Variants in ADAMTS3 observed in about 807,000 individuals in gnomAD.
ADAMTS3 encodes A disintegrin and metalloproteinase with thrombospondin motifs 3.
ADAMTS3 carries 73 observed loss-of-function variants against 129.0 expected under a neutral mutation model. The ratio of observed to expected loss-of-function variants is 0.57; its 90% CI spans 0.47 to 0.69. The LOEUF is 0.69. Among genes scored for constraint, ADAMTS3 ranks in the 30% least tolerant of loss-of-function variants. The pLI, the probability that ADAMTS3 is intolerant of heterozygous loss-of-function variation, is 0.00. For missense variants in ADAMTS3, 1,457 were observed against 1,514.5 expected (o/e 0.96, Z 0.63); for synonymous variants, 477 against 510.8 (o/e 0.93, Z 0.89).
chr4:72,428,035 T>A (rs532145557), intron 3 of ADAMTS3, among the ~76,000 whole-genome samples: 1 of 98,784 alleles, frequency 1.0e-5, no homozygotes, highest in Non-Finnish European at 2.4e-5. Flanking sequence ...GTTTATTAAC[T>A]GAACACCTAA....
intron 3 of ADAMTS3, among the ~76,000 whole-genome samples, chr4:72,415,206 A>C (rs967083783): frequency 6.6e-6 from 1 of 152,082 alleles, no homozygotes; most frequent in African/African-American, 2.4e-5. Context: ...GGAATACAAA[A>C]TTTACATAGG....
intron 3 of ADAMTS3, among the ~76,000 whole-genome samples, chr4:72,429,372 T>TA (rs1722643259): frequency 2.0e-5 from 3 of 152,120 alleles, no homozygotes; most frequent in South Asian, 4.1e-4. Context: ...AGATATTTTA[T>TA]AAAAAACGTA....
At chr4:72,521,606 G>A (rs1274886538) in intron 3 of ADAMTS3, among the ~76,000 whole-genome samples, 1 of 151,994 alleles carries the variant, frequency 6.6e-6, no homozygotes, top group Non-Finnish European at 1.5e-5. Context: ...ATTTGAAATG[G>A]TTCCAAAAAT....
intron 3 of ADAMTS3, among the ~76,000 whole-genome samples, chr4:72,517,006 T>A (rs527290485): frequency 7.3e-4 from 111 of 152,320 alleles, no homozygotes; most frequent in African/African-American, 2.6e-3. Flanking sequence ...TTGAGATACA[T>A]CCCATCAATA....
intron 3 of ADAMTS3, among the ~76,000 whole-genome samples, chr4:72,478,114 C>T (rs1195692155): frequency 6.6e-6 from 1 of 152,126 alleles, no homozygotes; most frequent in African/African-American, 2.4e-5. Flanking sequence ...ACCAGAGGTA[C>T]AAGGAGGAAC....
intron 3 of ADAMTS3, among the ~76,000 whole-genome samples, chr4:72,461,262 T>C (rs1377010185): frequency 7.3e-5 from 11 of 151,220 alleles, no homozygotes; most frequent in Admixed American, 7.3e-4. Flanking sequence ...ATCTGAGTTA[T>C]ATAAAAAGTC....
chr4:72,408,031 T>C (rs566417518), intron 4 of ADAMTS3, among the ~76,000 whole-genome samples: 12 of 152,206 alleles, frequency 7.9e-5, no homozygotes, highest in African/African-American at 2.6e-4. Context: ...AGTTGAAAAT[T>C]AGAGTAAAAT....
intron 11 of ADAMTS3, among the ~76,000 whole-genome samples, chr4:72,315,202 A>T (rs1282074204): frequency 6.6e-6 from 1 of 152,220 alleles, no homozygotes; most frequent in Non-Finnish European, 1.5e-5. Context: ...TAGTCTGCTG[A>T]GTTGCTTCTT....
At chr4:72,504,975 ATTTC>A (rs1413564951) in intron 3 of ADAMTS3, among the ~76,000 whole-genome samples, 3 of 151,990 alleles carry the variant, frequency 2.0e-5, no homozygotes, top group Non-Finnish European at 2.9e-5. Context: ...GCTTTAGAAG[ATTTC>A]TTTGTGTTGA....
chr4:72,305,092 C>G (rs370478669), intron 16 of ADAMTS3, among the ~76,000 whole-genome samples: 1 of 152,092 alleles, frequency 6.6e-6, no homozygotes, highest in South Asian at 2.1e-4. Context: ...GGAGTTGATA[C>G]GTGATGTCTT....
chr4:72,523,743 A>G (rs1463316867), intron 3 of ADAMTS3, among the ~76,000 whole-genome samples: 2 of 152,116 alleles, frequency 1.3e-5, no homozygotes, highest in African/African-American at 4.8e-5. Context: ...GAGGTGAACA[A>G]TATCTTTAAC....
intron 3 of ADAMTS3, among the ~76,000 whole-genome samples, chr4:72,481,227 G>C (rs1293734740): frequency 6.6e-6 from 1 of 152,124 alleles, no homozygotes; most frequent in Non-Finnish European, 1.5e-5. Flanking sequence ...CAGAAAGGTG[G>C]AAGAACTAGA....
At chr4:72,478,152 A>C (rs1003187407) in intron 3 of ADAMTS3, among the ~76,000 whole-genome samples, 11 of 152,234 alleles carry the variant, frequency 7.2e-5, no homozygotes, top group Non-Finnish European at 1.2e-4. Flanking sequence ...AAACTATTCC[A>C]ATCAACAGAA....
chr4:72,369,816 A>G (rs1720960232), intron 4 of ADAMTS3, among the ~76,000 whole-genome samples: 2 of 152,136 alleles, frequency 1.3e-5, no homozygotes, highest in Non-Finnish European at 2.9e-5. Flanking sequence ...GACATGACAC[A>G]AAAACAAGAA....
intron 3 of ADAMTS3, among the ~76,000 whole-genome samples, chr4:72,422,938 G>A (rs989797168): frequency 2.0e-5 from 3 of 152,132 alleles, no homozygotes; most frequent in Non-Finnish European, 2.9e-5. Flanking sequence ...CAGTCATCAA[G>A]AGAAGACTAA....
intron 3 of ADAMTS3, among the ~76,000 whole-genome samples, chr4:72,482,220 C>T (rs904348618): frequency 2.0e-5 from 3 of 151,998 alleles, no homozygotes; most frequent in Non-Finnish European, 4.4e-5. Context: ...GTTTATAGCA[C>T]CTTTGGTCAC....
At chr4:72,405,073 C>T (rs1265748020) in intron 4 of ADAMTS3, among the ~76,000 whole-genome samples, 7 of 152,094 alleles carry the variant, frequency 4.6e-5, no homozygotes, top group Non-Finnish European at 1.0e-4. Flanking sequence ...AAAGGGAACA[C>T]TTGCACTGTT....
intron 10 of ADAMTS3, 44 bp downstream of exon 10, chr4:72,318,528 T>G: frequency 6.2e-7 from 1 of 1,602,066 alleles, no homozygotes; most frequent in Non-Finnish European, 8.5e-7. Context: ...GCTACACAAA[T>G]AGATTTCGAG....
At chr4:72,294,058 CA>C (rs748757485) in intron 19 of ADAMTS3, among the ~76,000 whole-genome samples, 1 of 150,500 alleles carries the variant, frequency 6.6e-6, no homozygotes, top group East Asian at 2.0e-4. Flanking sequence ...TTTTTCAAAA[CA>C]AAAAAAATAC....
Sources: gnomAD v4.1 joint callset for allele counts (sites outside exome capture counted in the v4.1 genomes callset) on GRCh38, gnomAD v4.1.1 for gene constraint, MANE v1.5 for transcripts, NCBI Gene and HGNC (gene_info 2026-07-23, HGNC 2026-07-21) for gene names.